The following PKLR variants were observed in gnomAD, a reference collection of about 807,000 sequenced individuals.
PKLR encodes the protein pyruvate kinase L/R.
In PKLR, 38 loss-of-function variants were observed where a neutral mutation model predicts 53.6. The ratio of observed to expected loss-of-function variants is 0.71; its 90% CI spans 0.55 to 0.93. PKLR has a LOEUF of 0.93. PKLR is among the 40% of genes least tolerant of loss of function. PKLR has a pLI of 0.00. For missense variants in PKLR, 702 were observed against 787.3 expected, an observed-to-expected ratio of 0.89 and a Z score of 1.30; for synonymous variants, 328 against 316.2, an observed-to-expected ratio of 1.04 and a Z score of -0.39.
rs113403872 is a variant in PKLR at position 155,291,845 on chromosome 1, C to T, written c.1529G>A (p.Arg510Gln). 1,240 of 1,614,054 alleles carry T rather than the reference C, an allele frequency of 7.7e-4. No homozygotes were observed. The highest frequency in any genetic ancestry group is 1.0e-3 in the Non-Finnish European group (1,196 of 1,179,956). Residue 510 changes from arginine to glutamine, a missense_variant, in exon 10 of 11, where the codon CGA becomes CAA. By Grantham distance (43) the Arg-to-Gln change is conservative. Transcript: ENST00000342741. ...AQAARQVHLCRGVFPLLYREP... is the reference protein window; with the variant it reads ...AQAARQVHLCQGVFPLLYREP... ...ACGGTAAAGCAAGGGGAAGACTCCTCGGCATAAGTGGACCTGGCGGGCAGC... is the reference window on the plus strand; with the variant it reads ...ACGGTAAAGCAAGGGGAAGACTCCTTGGCATAAGTGGACCTGGCGGGCAGC...
intron 10 of PKLR, 36 bp from the exon 11 acceptor site, chr1:155,290,714 T>A (rs1290440172): frequency 1.6e-6 from 2 of 1,286,436 alleles, no homozygotes; most frequent in Non-Finnish European, 2.3e-6. Flanking sequence ...ATTGGACAGG[T>A]GTGGTGGCTC....
chr1:155,304,137 A>G (rs1648167671), upstream of PKLR, among the ~76,000 whole-genome samples: 1 of 152,146 alleles, frequency 6.6e-6, no homozygotes, highest in Non-Finnish European at 1.5e-5. Context: ...GCTGCTGGGT[A>G]AAGAATAGAT....
rs774102445 is a variant in PKLR, at chr1:155,293,274, G to T, written c.1339C>A (p.Leu447Ile). The change falls in exon 9 of 11, where the codon CTA becomes ATA. Residue 447 changes from leucine to isoleucine, a missense_variant. By Grantham distance (5) the Leu-to-Ile change is conservative. Transcript: ENST00000342741. The surrounding 1 kb of genome is among the most constrained non-coding windows in gnomAD (Gnocchi z 4.2). ...LFEELRRAAP[L>I]SRDPTEVTAI... is the part of the protein sequence containing the mutation. ...GTGACCTCAGTGGGATCACGGCTTA[G>T]TGGCGCTGCCCGACGTAGCTCCTCA... The T allele has an allele frequency of 1.7e-5, 28 of 1,614,114 alleles. No homozygotes were observed. The highest frequency in any genetic ancestry group is 2.3e-5 in the Non-Finnish European group (27 of 1,180,048).
intron 2 of PKLR, among the ~76,000 whole-genome samples, chr1:155,298,956 T>G (rs1305199882): frequency 4.5e-5 from 1 of 22,070 alleles, no homozygotes; most frequent in East Asian, 4.0e-3. Context: ...TTTCACTCCT[T>G]TCTTTCTTTC....
At position 155,291,816 on chromosome 1, in the gene PKLR, G is replaced by T. The variant is rs562318137; in HGVS notation, c.1558C>A (p.Pro520Thr). ...TCATCTGCCCAGATGGCTTCTGGAG[G>T]TTCACGGTAAAGCAAGGGGAAGACT... ...RGVFPLLYREPPEAIWADDVD... is the reference protein window; with the variant it reads ...RGVFPLLYRETPEAIWADDVD... The change falls in exon 10 of 11, where the codon CCT (proline) becomes ACT (threonine). Residue 520 changes from proline (P) to threonine (T), a missense_variant. This residue lies in a region of PKLR where 183 missense variants were observed against 250.2 expected (regional missense o/e 0.73). Transcript: ENST00000342741. 3.7e-6 allele frequency: 6 copies of T among 1,614,126 alleles called. No homozygotes were observed. The African/African-American group carries it at 5.3e-5, about 14-fold the overall frequency.
rs948024479 is a variant in PKLR at position 155,295,033 on chromosome 1, G to A, written c.694+83C>T. ...CGCGTGGCCAGGGGAAGGTGTGATC[G>A]GTCTGAGGGCTGATGGGGGAGCCAA... On this transcript the variant is annotated intron_variant, in intron 5 of 10. Transcript: ENST00000342741. This position sits in a 1 kb window ranked among gnomAD's most constrained non-coding sequence, Gnocchi z 4.3. 1 of 1,462,022 alleles carries A rather than the reference G, an allele frequency of 6.8e-7. No individual in the cohort carries two copies. The highest frequency in any genetic ancestry group is 9.4e-7 in the Non-Finnish European group (1 of 1,058,682). The allele number at this position is 1,462,022 out of a possible 1,614,324, so 90.6% of individuals were successfully genotyped here.
upstream of PKLR, among the ~76,000 whole-genome samples, chr1:155,302,501 T>G (rs1002015202): frequency 6.6e-6 from 1 of 152,040 alleles, no homozygotes; most frequent in Non-Finnish European, 1.5e-5. Context: ...CTTCCCAAAG[T>G]GCTGGGATTA....
chr1:155,302,763 C>G (rs946330489), upstream of PKLR, among the ~76,000 whole-genome samples: 2 of 151,966 alleles, frequency 1.3e-5, no homozygotes, highest in African/African-American at 4.8e-5. Flanking sequence ...GCCTTGACTT[C>G]CTGGGCTCCA....
chr1:155,307,017 C>A, the PKLR span, among the ~76,000 whole-genome samples: 1 of 152,142 alleles, frequency 6.6e-6, no homozygotes, highest in East Asian at 1.9e-4. Flanking sequence ...CGGGTTCAAG[C>A]GATTCTCCTG....
Position 155,293,121 on chromosome 1 carries a change from T to C in PKLR, c.1436+56A>G. 1.3e-5 allele frequency: 20 copies of C among 1,542,272 alleles called. No homozygotes were observed. Among genetic ancestry groups the C allele is most frequent in the Non-Finnish European group, 1.4e-5 (16 of 1,115,242 alleles). On this transcript the variant is annotated intron_variant, in intron 9 of 10. Transcript: ENST00000342741. This position sits in a 1 kb window ranked among gnomAD's most constrained non-coding sequence, Gnocchi z 4.2. The stretch of plus-strand genomic sequence containing the variant: ...AGACTAAACCCAAGCCTGGGGCCCG[T>C]CCCAGCCCACCCCTGACCCAAAGCT...
chr1:155,306,357 C>T (rs553788145), upstream of PKLR, among the ~76,000 whole-genome samples: 1 of 152,128 alleles, frequency 6.6e-6, no homozygotes, highest in East Asian at 1.9e-4. This position sits in a 1 kb window ranked among gnomAD's most constrained non-coding sequence, Gnocchi z 4.2. Context: ...ATGGACTGAA[C>T]CCCCATATGG....
At chr1:155,294,787 G>T in intron 5 of PKLR, 35 bp from the exon 6 acceptor site, 2 of 1,612,772 alleles carry the variant, frequency 1.2e-6, no homozygotes, top group Non-Finnish European at 8.5e-7. Flanking sequence ...GCGGTCAGGG[G>T]TGAGGACGGG....
intron 1 of PKLR, 83 bp downstream of exon 1, chr1:155,301,213 A>G: frequency 1.3e-6 from 2 of 1,520,272 alleles, no homozygotes; most frequent in South Asian, 2.3e-5. Flanking sequence ...GCTGATGTGG[A>G]TCATTTATGC....
intron 2 of PKLR, among the ~76,000 whole-genome samples, chr1:155,297,237 G>C (rs753246714): frequency 1.4e-4 from 21 of 152,112 alleles, no homozygotes; most frequent in Non-Finnish European, 2.8e-4. Flanking sequence ...ACCCAGAGTT[G>C]TGTACCTGAC....
chr1:155,293,366 C>G lies in PKLR; in HGVS notation c.1270-23G>C. The stretch of plus-strand genomic sequence containing the variant: ...AATCTGCAGGTGCCAGAATGTTAGT[C>G]TGGGAAGGGGCACTGGGGTATGGAA... On this transcript the variant is annotated intron_variant, in intron 8 of 10. Transcript: ENST00000342741. This position sits in a 1 kb window ranked among gnomAD's most constrained non-coding sequence, Gnocchi z 4.2. 1 of 1,614,224 alleles carries G rather than the reference C, an allele frequency of 6.2e-7. No individual in the cohort carries two copies. The highest frequency in any genetic ancestry group is 8.5e-7 in the Non-Finnish European group (1 of 1,180,038).
Position 155,295,687 on chromosome 1 carries a change from T to A in PKLR, c.353A>T (p.Asn118Ile). The change falls in exon 3 of 11, where the codon AAC (asparagine) becomes ATC (isoleucine). Residue 118 changes from asparagine (N) to isoleucine (I), a missense_variant. Physicochemically the swap from Asn to Ile is moderately radical, Grantham distance 149. Transcript: ENST00000342741. The surrounding 1 kb of genome is among the most constrained non-coding windows in gnomAD (Gnocchi z 4.3). ...CACCTCGTGGGAGCCGTGGGAGAAG[T>A]TGAGTCGCGCAATGTTCATCCCGGC... is the stretch of plus-strand genomic sequence containing the variant. ...IKAGMNIARL[N>I]FSHGSHEYHA... 1 of 1,614,032 alleles carries A rather than the reference T, an allele frequency of 6.2e-7. No homozygotes were observed. Among genetic ancestry groups the A allele is most frequent in the Non-Finnish European group, 8.5e-7 (1 of 1,179,986 alleles).
intron 2 of PKLR, among the ~76,000 whole-genome samples, chr1:155,299,491 CTTTTTTTTTTTTTTTTTT>C (rs35869567): frequency 2.3e-5 from 1 of 42,710 alleles, no homozygotes; most frequent in Non-Finnish European, 4.0e-5. Flanking sequence ...GCCCAGCCCA[CTTTTTTTTTTTTTTTTTT>C]TTTTTTTTTT....
chr1:155,299,491 CTTTTTTTTTTTTTTT>C (rs35869567), intron 2 of PKLR, among the ~76,000 whole-genome samples: 3 of 42,710 alleles, frequency 7.0e-5, no homozygotes, highest in African/African-American at 2.0e-4. Context: ...GCCCAGCCCA[CTTTTTTTTTTTTTTT>C]TTTTTTTTTT....
intron 2 of PKLR, among the ~76,000 whole-genome samples, chr1:155,299,002 CT>C (rs1382811405): frequency 1.2e-4 from 12 of 100,872 alleles, no homozygotes; most frequent in South Asian, 3.1e-4. Flanking sequence ...TTCTTTCTTT[CT>C]TTCTTTCTTT....
Sources: allele counts gnomAD v4.1 joint callset (sites outside exome capture counted in the v4.1 genomes callset), GRCh38; gene constraint gnomAD v4.1.1; regional missense constraint gnomAD v4.1.1; non-coding constraint Gnocchi (gnomAD v3.1); transcripts MANE v1.5; gene names NCBI Gene and HGNC (gene_info 2026-07-23, HGNC 2026-07-21).